The following ZNF723 variants were observed in gnomAD, a reference collection of about 807,000 sequenced individuals.
The protein encoded by ZNF723 is zinc finger protein 723.
A neutral mutation model predicts 9.4 loss-of-function variants in ZNF723; 5 were observed. The ratio of observed to expected loss-of-function variants is 0.53; its 90% CI spans 0.28 to 1.12. ZNF723 has a LOEUF of 1.12. Ranked by LOEUF, ZNF723 falls within the 50% of genes most tolerant of loss-of-function variation. The probability of loss-of-function intolerance (pLI) is 0.10; values close to 1 mark genes in which losing one functional copy is unlikely to be tolerated. For missense variants in ZNF723, 450 were observed against 501.5 expected (o/e 0.90, Z 0.98); for synonymous variants, 158 against 168.8 (o/e 0.94, Z 0.49).
chr19:22,832,461 AG>A, intron 1 of ZNF723, 79 bp downstream of exon 1: 1 of 1,281,920 alleles, frequency 7.8e-7, no homozygotes, highest in Admixed American at 1.8e-5. Flanking sequence ...GGCGGGACTC[AG>A]GCCTCCCTGC....
At chr19:22,813,861 G>C in the ZNF723 span, among the ~76,000 whole-genome samples, 3 of 151,636 alleles carry the variant, frequency 2.0e-5, no homozygotes, top group Non-Finnish European at 4.4e-5. Context: ...GCTCATGCTG[G>C]AGTGCAGTGG....
intron 1 of ZNF723, among the ~76,000 whole-genome samples, chr19:22,835,965 G>A (rs560998597): frequency 6.6e-6 from 1 of 152,198 alleles, no homozygotes; most frequent in East Asian, 1.9e-4. Flanking sequence ...TCTTGTTGAG[G>A]TATGAAATGT....
chr19:22,846,156 A>G (rs1415702097), intron 1 of ZNF723, among the ~76,000 whole-genome samples: 1 of 152,028 alleles, frequency 6.6e-6, no homozygotes, highest in Non-Finnish European at 1.5e-5. Flanking sequence ...TATGATCTGC[A>G]GTATTAAAAA....
chr19:22,820,442 C>T, the ZNF723 span, among the ~76,000 whole-genome samples: 637 of 152,216 alleles, frequency 4.2e-3, 5 homozygotes, highest in Non-Finnish European at 5.8e-3. Context: ...ACTCTTCTTC[C>T]GGGTCCCTTC....
chr19:22,829,581 G>A (rs1042596417), upstream of ZNF723, among the ~76,000 whole-genome samples: 21 of 152,148 alleles, frequency 1.4e-4, no homozygotes, highest in Admixed American at 5.9e-4. Context: ...AACCACGCCC[G>A]GCCAATAAGT....
chr19:22,839,726 C>T (rs1429024819), intron 1 of ZNF723, among the ~76,000 whole-genome samples: 2 of 152,096 alleles, frequency 1.3e-5, no homozygotes, highest in African/African-American at 2.4e-5. Context: ...CCACCCATCT[C>T]GGCCTCCCAA....
At chr19:22,842,788 G>T (rs1967265104) in intron 1 of ZNF723, among the ~76,000 whole-genome samples, 1 of 152,092 alleles carries the variant, frequency 6.6e-6, no homozygotes, top group Non-Finnish European at 1.5e-5. Flanking sequence ...CTGCAAATAA[G>T]GTCTGTTCTC....
intron 1 of ZNF723, among the ~76,000 whole-genome samples, chr19:22,845,201 G>A (rs1263554652): frequency 6.6e-6 from 1 of 152,154 alleles, no homozygotes; most frequent in Non-Finnish European, 1.5e-5. Context: ...TTACTGAGTG[G>A]TTTATAAGCT....
chr19:22,848,776 A>C (rs191985149), intron 2 of ZNF723, among the ~76,000 whole-genome samples: 1 of 145,430 alleles, frequency 6.9e-6, no homozygotes, highest in African/African-American at 2.5e-5. Context: ...TTTATTTATG[A>C]GATGGAATGT....
intron 1 of ZNF723, among the ~76,000 whole-genome samples, chr19:22,833,314 G>A (rs987082717): frequency 2.6e-5 from 4 of 151,924 alleles, no homozygotes; most frequent in Non-Finnish European, 4.4e-5. Flanking sequence ...CACCACGGCC[G>A]GCTAATTTTT....
At chr19:22,854,751 C>T (rs1260163461) in intron 3 of ZNF723, among the ~76,000 whole-genome samples, 2 of 152,002 alleles carry the variant, frequency 1.3e-5, no homozygotes, top group African/African-American at 2.4e-5. Flanking sequence ...CAGCTGAATA[C>T]GAAAATGTTT....
chr19:22,818,518 G>A, the ZNF723 span, among the ~76,000 whole-genome samples: 3 of 152,172 alleles, frequency 2.0e-5, no homozygotes, highest in Admixed American at 1.3e-4. Context: ...TCCCATGCAA[G>A]GGTCCAGTCT....
At chr19:22,848,850 G>A (rs924747315) in intron 2 of ZNF723, among the ~76,000 whole-genome samples, 1 of 151,818 alleles carries the variant, frequency 6.6e-6, no homozygotes, top group Non-Finnish European at 1.5e-5. Context: ...CACCTCCCAG[G>A]TTCAAGAGAT....
At chr19:22,840,734 A>T (rs1282131144) in intron 1 of ZNF723, 1 of 152,126 alleles carries the variant, frequency 6.6e-6, no homozygotes. Flanking sequence ...ATATCTGTGA[A>T]TGAGGTGGGC....
chr19:22,822,638 G>A, the ZNF723 span, among the ~76,000 whole-genome samples: 4 of 152,102 alleles, frequency 2.6e-5, no homozygotes, highest in African/African-American at 7.2e-5. Context: ...CGAGGCAGGC[G>A]GATCACGAGG....
chr19:22,828,524 G>C (rs904326250), upstream of ZNF723, among the ~76,000 whole-genome samples: 1 of 151,796 alleles, frequency 6.6e-6, no homozygotes, highest in Non-Finnish European at 1.5e-5. Flanking sequence ...TTGGTGGCGC[G>C]TGCCTGTAAT....
the ZNF723 span, among the ~76,000 whole-genome samples, chr19:22,821,560 A>C: frequency 6.6e-6 from 1 of 152,010 alleles, no homozygotes; most frequent in Non-Finnish European, 1.5e-5. Flanking sequence ...ATGTGACTTT[A>C]CTGCCACAGC....
At chr19:22,842,644 A>C (rs1599474937) in intron 1 of ZNF723, among the ~76,000 whole-genome samples, 1 of 152,324 alleles carries the variant, frequency 6.6e-6, no homozygotes, top group East Asian at 1.9e-4. Context: ...ATGTTGCCTT[A>C]GCTTTTTTTC....
chr19:22,830,934 T>G (rs552455816), upstream of ZNF723, among the ~76,000 whole-genome samples: 1 of 152,164 alleles, frequency 6.6e-6, no homozygotes, highest in Non-Finnish European at 1.5e-5. Context: ...GGCTAATTTT[T>G]GTATTTTTCT....
Sources: allele counts gnomAD v4.1 joint callset (sites outside exome capture counted in the v4.1 genomes callset), GRCh38; gene constraint gnomAD v4.1.1; transcripts MANE v1.5; gene names NCBI Gene and HGNC (gene_info 2026-07-23, HGNC 2026-07-21).